The following PTPRT variants were observed in gnomAD, a reference collection of about 807,000 sequenced individuals.
The protein encoded by PTPRT is receptor-type tyrosine-protein phosphatase T.
PTPRT carries 56 observed loss-of-function variants against 176.8 expected under a neutral mutation model. That is an observed-to-expected ratio of 0.32 (90% CI 0.26 to 0.40). The LOEUF (loss-of-function observed/expected upper bound fraction) is 0.40. Among genes scored for constraint, PTPRT ranks in the 10% least tolerant of loss-of-function variants. The pLI is 1.00. For synonymous variants in PTPRT, 783 were observed against 739.0 expected, an observed-to-expected ratio of 1.06 and a Z score of -0.96; for missense variants, 1,540 against 1,908.2, an observed-to-expected ratio of 0.81 and a Z score of 3.60.
At chr20:43,040,899 T>C (rs1397978826) in intron 1 of PTPRT, among the ~76,000 whole-genome samples, 1 of 152,208 alleles carries the variant, frequency 6.6e-6, no homozygotes, top group African/African-American at 2.4e-5. Context: ...GACTGTCTGT[T>C]GGGAAATAAT....
chr20:42,355,370 C>G (rs955820691), intron 9 of PTPRT, among the ~76,000 whole-genome samples: 12 of 152,198 alleles, frequency 7.9e-5, no homozygotes, highest in African/African-American at 2.9e-4. Flanking sequence ...TCTTGGCAAA[C>G]TGCTCATATT....
chr20:42,718,146 G>A (rs942006312), intron 6 of PTPRT, among the ~76,000 whole-genome samples: 2 of 152,334 alleles, frequency 1.3e-5, no homozygotes, highest in African/African-American at 4.8e-5. Flanking sequence ...TTACAGTCAC[G>A]TGGTTCATTA....
intron 16 of PTPRT, among the ~76,000 whole-genome samples, chr20:42,165,079 G>C (rs1169192139): frequency 6.6e-6 from 1 of 152,110 alleles, no homozygotes; most frequent in Non-Finnish European, 1.5e-5. Flanking sequence ...TGCTGTGTAT[G>C]AGATTTTGGG....
chr20:43,189,742 C>A lies in PTPRT; in HGVS notation c.-9G>T. On this transcript the variant is annotated 5_prime_UTR_variant, in exon 1 of 31. Coordinates refer to ENST00000373187, the MANE Select transcript of PTPRT (RefSeq NM_007050.6). The surrounding 1 kb of genome is among the most constrained non-coding windows in gnomAD (Gnocchi z 5.0). ...GCGGCGAGGCTCGCCATCCGGGCGG[C>A]GGCGGGCAGCTCAGCCCCTTCCCGC... 4 of 1,227,088 alleles carry A rather than the reference C, an allele frequency of 3.3e-6. No individual in the cohort carries two copies. The highest frequency in any genetic ancestry group is 4.1e-6 in the Non-Finnish European group (4 of 985,264). The allele number at this position is 1,227,088 out of a possible 1,614,324, so 76.0% of individuals were successfully genotyped here.
intron 7 of PTPRT, among the ~76,000 whole-genome samples, chr20:42,547,099 A>G (rs1482145267): frequency 6.6e-6 from 1 of 152,232 alleles, no homozygotes; most frequent in Non-Finnish European, 1.5e-5. Context: ...ATAAAGCTCA[A>G]TAAAGCAAAG....
At chr20:42,471,208 T>C (rs1375384273) in intron 8 of PTPRT, among the ~76,000 whole-genome samples, 1 of 152,206 alleles carries the variant, frequency 6.6e-6, no homozygotes, top group Non-Finnish European at 1.5e-5. Context: ...AAATTCAACA[T>C]GTTTAAACAA....
chr20:42,930,488 AT>A (rs35540626), intron 1 of PTPRT, among the ~76,000 whole-genome samples: 8,506 of 148,156 alleles, frequency 0.057, 637 homozygotes, highest in African/African-American at 0.17. Flanking sequence ...TATTTAATTA[AT>A]TTTTTTTTTT....
chr20:42,038,354 T>G, the PTPRT span, among the ~76,000 whole-genome samples: 1 of 152,170 alleles, frequency 6.6e-6, no homozygotes, highest in African/African-American at 2.4e-5. Flanking sequence ...CAAGCCCAAG[T>G]TATACCCCAG....
At chr20:42,155,200 T>C (rs962737420) in intron 17 of PTPRT, among the ~76,000 whole-genome samples, 2 of 152,134 alleles carry the variant, frequency 1.3e-5, no homozygotes, top group African/African-American at 4.8e-5. Context: ...GGCCTGAGCA[T>C]TGGTGTTTTT....
At chr20:42,807,658 A>G (rs776336299) in intron 2 of PTPRT, among the ~76,000 whole-genome samples, 23 of 152,196 alleles carry the variant, frequency 1.5e-4, no homozygotes, top group Non-Finnish European at 2.8e-4. Context: ...AAGCATAGAC[A>G]ACAGGTGTGG....
chr20:43,009,168 G>A (rs943852875), intron 1 of PTPRT, among the ~76,000 whole-genome samples: 5 of 151,962 alleles, frequency 3.3e-5, no homozygotes, highest in East Asian at 1.9e-4. Flanking sequence ...CAGCTGCCAC[G>A]TTTCTTCCCC....
chr20:42,212,081 G>A (rs1298361206), intron 15 of PTPRT, among the ~76,000 whole-genome samples: 4 of 141,534 alleles, frequency 2.8e-5, no homozygotes, highest in Non-Finnish European at 6.0e-5. Flanking sequence ...CTCACTCATA[G>A]ATGGGAATTG....
intron 11 of PTPRT, among the ~76,000 whole-genome samples, chr20:42,344,417 T>A (rs1202716995): frequency 1.3e-5 from 2 of 152,144 alleles, no homozygotes; most frequent in Non-Finnish European, 2.9e-5. Context: ...AACTGGGAAG[T>A]CAGCTATGGC....
At chr20:42,931,420 G>A (rs551570529) in intron 1 of PTPRT, among the ~76,000 whole-genome samples, 1 of 152,316 alleles carries the variant, frequency 6.6e-6, no homozygotes, top group East Asian at 1.9e-4. Context: ...CAGACTGTGA[G>A]AAAATAAATG....
At chr20:42,280,556 T>C (rs78090825) in intron 13 of PTPRT, among the ~76,000 whole-genome samples, 8,612 of 152,278 alleles carry the variant, frequency 0.057, 324 homozygotes, top group Middle Eastern at 0.11. Flanking sequence ...CATTCATGCA[T>C]TCCTATCCTT....
chr20:42,752,974 T>A (rs1261183153), intron 6 of PTPRT, among the ~76,000 whole-genome samples: 1 of 152,134 alleles, frequency 6.6e-6, no homozygotes, highest in Non-Finnish European at 1.5e-5. Context: ...GCAGTGTGTT[T>A]GGGGTCGGGG....
chr20:42,641,206 A>C lies in PTPRT; in HGVS notation c.1153+36660T>G, dbSNP rs150817097. ...AGCATTGATTGCTGGTTTAAAGAGCATGAGCCATTTTTAAGACCTTTCATA... is the reference window on the plus strand; with the variant it reads ...AGCATTGATTGCTGGTTTAAAGAGCCTGAGCCATTTTTAAGACCTTTCATA... On this transcript the variant is annotated intron_variant, in intron 7 of 30. Transcript: ENST00000373187. 2.6e-4 allele frequency among the ~76,000 whole-genome samples: 39 copies of C among 152,276 alleles called. No homozygotes were observed. In the East Asian group the frequency reaches 7.3e-3, roughly 29 times the overall value.
chr20:42,502,752 C>G (rs1266920846), intron 7 of PTPRT, among the ~76,000 whole-genome samples: 1 of 152,046 alleles, frequency 6.6e-6, no homozygotes, highest in Non-Finnish European at 1.5e-5. Context: ...CAAGGCTGCT[C>G]TGAACATTCA....
At chr20:42,498,994 T>A (rs2071702333) in intron 7 of PTPRT, among the ~76,000 whole-genome samples, 1 of 152,182 alleles carries the variant, frequency 6.6e-6, no homozygotes, top group African/African-American at 2.4e-5. Context: ...TCTCAGAACC[T>A]CCTGAGGCTG....
Sources: gnomAD v4.1 joint callset for allele counts (sites outside exome capture counted in the v4.1 genomes callset) on GRCh38, gnomAD v4.1.1 for gene constraint, Gnocchi (gnomAD v3.1) non-coding constraint, MANE v1.5 for transcripts, NCBI Gene and HGNC (gene_info 2026-07-23, HGNC 2026-07-21) for gene names.